Variants in APTX observed in about 807,000 individuals in gnomAD.
APTX encodes the protein aprataxin, also known as forkhead-associated domain histidine triad-like protein.
APTX carries 33 observed loss-of-function variants against 42.3 expected under a neutral mutation model. The ratio of observed to expected loss-of-function variants is 0.78; its 90% CI spans 0.59 to 1.04. APTX has a LOEUF of 1.04. APTX is among the 50% of genes least tolerant of loss of function. The pLI, the probability that APTX is intolerant of heterozygous loss-of-function variation, is 0.00. For synonymous variants in APTX, 130 were observed against 146.7 expected (o/e 0.89, Z 0.82); for missense variants, 421 against 415.1 (o/e 1.01, Z -0.12).
At chr9:33,018,502 A>G (rs570149064) in intron 1 of APTX, among the ~76,000 whole-genome samples, 1 of 135,886 alleles carries the variant, frequency 7.4e-6, no homozygotes, top group Non-Finnish European at 1.5e-5. Context: ...CAGGAGGCGG[A>G]GGTTGCAGTG....
At chr9:32,986,257 C>A in intron 4 of APTX, 1 of 645,360 alleles carries the variant, frequency 1.5e-6, no homozygotes, top group Non-Finnish European at 2.8e-6. Context: ...CTGTCTCACC[C>A]AAGCTGGAGT....
chr9:32,986,032 T>TAAAAAAAAAAAAAAAAAAAAAAAAAAA lies in APTX; in HGVS notation c.484-3_484-2insTTTTTTTTTTTTTTTTTTTTTTTTTTT. On this transcript the variant is annotated splice_polypyrimidine_tract_variant and splice_region_variant and intron_variant, in intron 4 of 7. Transcript: ENST00000379817. ...TTGACTCCAGTGGCCCAGGGATTCC[T>TAAAAAAAAAAAAAAAAAAAAAAAAAAA]AAAAAAAAAACAAAAAAAAAAACAA... is the stretch of plus-strand genomic sequence containing the variant. The TAAAAAAAAAAAAAAAAAAAAAAAAAAA allele has an allele frequency of 1.4e-6, 1 of 732,440 alleles. No individual in the cohort carries two copies. The highest frequency in any genetic ancestry group is 1.9e-6 in the Non-Finnish European group (1 of 529,780). The allele number at this position is 732,440 out of a possible 1,614,324, so 45.4% of individuals were successfully genotyped here.
At chr9:33,012,742 G>T (rs1837625917) in intron 1 of APTX, among the ~76,000 whole-genome samples, 1 of 152,176 alleles carries the variant, frequency 6.6e-6, no homozygotes, top group Non-Finnish European at 1.5e-5. Flanking sequence ...CCCAACTGCG[G>T]AATTCTGATT....
intron 1 of APTX, among the ~76,000 whole-genome samples, chr9:33,018,847 C>T (rs1322592029): frequency 6.6e-6 from 1 of 152,194 alleles, no homozygotes; most frequent in Non-Finnish European, 1.5e-5. Context: ...CCATTGCGCT[C>T]CAGCCCAGGC....
chr9:32,996,803 C>G (rs113499849), intron 1 of APTX, among the ~76,000 whole-genome samples: 79 of 152,350 alleles, frequency 5.2e-4, no homozygotes, highest in African/African-American at 1.8e-3. Flanking sequence ...GCATCACTGC[C>G]TACGCATTCA....
chr9:33,003,391 T>C (rs1375715803), upstream of APTX, among the ~76,000 whole-genome samples: 1 of 152,116 alleles, frequency 6.6e-6, no homozygotes, highest in Non-Finnish European at 1.5e-5. Context: ...CTTGAAAAAC[T>C]GAAACTCGGC....
rs1828326217 is a variant in APTX, at chr9:32,972,650, AG to A, written c.*847del. ...CAAATTTATTCTCAGGGAAAAAGAA[AG>A]TAGTGGCTCTACGCAACTTTTTCAT... On this transcript the variant is annotated 3_prime_UTR_variant, in exon 8 of 8. Coordinates refer to ENST00000379817, the MANE Select transcript of APTX (RefSeq NM_001195248.2). The A allele has an allele frequency of 2.4e-6, 1 of 409,890 alleles. No individual in the cohort carries two copies. Among genetic ancestry groups the A allele is most frequent in the Non-Finnish European group, 4.8e-6 (1 of 207,108 alleles). The allele number at this position is 409,890 out of a possible 1,614,324, so 25.4% of individuals were successfully genotyped here. A position where few individuals can be genotyped will look rare whatever the true frequency, so the allele number is the denominator to read the frequency against.
rs10971270 is a variant in APTX, at chr9:32,987,297, T to C, written c.483+247A>G. On this transcript the variant is annotated intron_variant, in intron 4 of 7. Transcript: ENST00000379817. ...AGATGCATAAACAACTGATCCACTT[T>C]AGTTGTTCAATGTTAAGTACACACT... Among the ~76,000 whole-genome samples, 10,727 of 152,300 alleles carry C rather than the reference T, an allele frequency of 0.07. 511 individuals carry two copies. The highest frequency in any genetic ancestry group is 0.11 in the Non-Finnish European group (7,341 of 68,024).
chr9:33,002,026 T>G (rs112025968), upstream of APTX, among the ~76,000 whole-genome samples: 488 of 152,298 alleles, frequency 3.2e-3, 8 homozygotes, highest in African/African-American at 0.011. Flanking sequence ...TACAGTCCGC[T>G]TTCTCCTTTG....
At chr9:33,022,837 A>T (rs1477130865) in intron 1 of APTX, among the ~76,000 whole-genome samples, 1 of 152,140 alleles carries the variant, frequency 6.6e-6, no homozygotes, top group Non-Finnish European at 1.5e-5. Flanking sequence ...TAAAAGTGTT[A>T]ACTTTTTTGT....
chr9:32,983,124 A>G (rs1942530654), intron 6 of APTX, among the ~76,000 whole-genome samples: 3 of 152,028 alleles, frequency 2.0e-5, no homozygotes, highest in Admixed American at 2.0e-4. Flanking sequence ...TTTTGTAGAG[A>G]CAGGTTTTGC....
intron 1 of APTX, among the ~76,000 whole-genome samples, chr9:33,016,627 G>C (rs1837919226): frequency 6.6e-6 from 1 of 151,860 alleles, no homozygotes; most frequent in South Asian, 2.1e-4. Context: ...GAGGAAAATT[G>C]TGGACTTTTA....
intron 4 of APTX, among the ~76,000 whole-genome samples, 196 bp downstream of exon 4, chr9:32,987,348 G>A (rs1179217412): frequency 6.6e-6 from 1 of 152,176 alleles, no homozygotes; most frequent in Non-Finnish European, 1.5e-5. Context: ...CCTTCAGGTG[G>A]CTTACCTCAG....
At chr9:32,990,148 ATATT>A (rs1349275326) in intron 1 of APTX, 20 of 503,158 alleles carry the variant, frequency 4.0e-5, no homozygotes, top group Non-Finnish European at 1.1e-5. Flanking sequence ...AGGCAATCAA[ATATT>A]TATTACACAT....
chr9:32,999,939 GAC>G (rs1482097229), intron 1 of APTX, among the ~76,000 whole-genome samples: 1 of 150,858 alleles, frequency 6.6e-6, no homozygotes, highest in Non-Finnish European at 1.5e-5. Context: ...CAGCCTGGGC[GAC>G]AGAGACTCCG....
intron 1 of APTX, among the ~76,000 whole-genome samples, chr9:32,992,295 A>G (rs1284031319): frequency 6.6e-6 from 1 of 152,244 alleles, no homozygotes; most frequent in Non-Finnish European, 1.5e-5. Flanking sequence ...AAGACAATGC[A>G]AGGCAAAGTG....
At chr9:33,013,462 A>T (rs1200542136) in intron 1 of APTX, among the ~76,000 whole-genome samples, 1 of 152,226 alleles carries the variant, frequency 6.6e-6, no homozygotes, top group African/African-American at 2.4e-5. Flanking sequence ...AGTTATCTTC[A>T]TCACAACTTC....
At chr9:32,984,077 C>T (rs566461483) in intron 6 of APTX, among the ~76,000 whole-genome samples, 23 of 152,154 alleles carry the variant, frequency 1.5e-4, no homozygotes, top group Non-Finnish European at 3.1e-4. Flanking sequence ...CATCTTATTG[C>T]TTAAATCAAA....
At chr9:33,004,131 G>A (rs1460155434), upstream of APTX, among the ~76,000 whole-genome samples, 1 of 152,230 alleles carries the variant, frequency 6.6e-6, no homozygotes, top group Non-Finnish European at 1.5e-5. Context: ...CAACTTGAAT[G>A]GAACTGGAGG....
Sources: allele counts gnomAD v4.1 joint callset (sites outside exome capture counted in the v4.1 genomes callset), GRCh38; gene constraint gnomAD v4.1.1; transcripts MANE v1.5; gene names NCBI Gene and HGNC (gene_info 2026-07-23, HGNC 2026-07-21).